XKR6: variants seen among roughly 807,000 people sequenced by gnomAD.
The protein encoded by XKR6 is XK related 6.
XKR6 carries 22 observed loss-of-function variants against 56.7 expected under a neutral mutation model. The observed-to-expected ratio is 0.39, with a 90% CI of 0.28 to 0.55. The LOEUF (loss-of-function observed/expected upper bound fraction) is 0.55, where lower values mean the gene tolerates loss of function less well. XKR6 is among the 20% of genes least tolerant of loss of function. The pLI, the probability that XKR6 is intolerant of heterozygous loss-of-function variation, is 0.66. For missense variants in XKR6, 852 were observed against 889.0 expected (o/e 0.96, Z 0.53); for synonymous variants, 524 against 387.8 (o/e 1.35, Z -4.13).
At chr8:11,163,420 C>T (rs1801918350) in intron 1 of XKR6, among the ~76,000 whole-genome samples, 1 of 152,124 alleles carries the variant, frequency 6.6e-6, no homozygotes, top group Admixed American at 6.5e-5. Context: ...TTATCATTTC[C>T]CAAGTCCTCA....
intron 1 of XKR6, among the ~76,000 whole-genome samples, chr8:10,942,779 G>C (rs1021593395): frequency 6.6e-6 from 1 of 152,170 alleles, no homozygotes. Context: ...CCCTGTTCAC[G>C]CTACAACCCC....
chr8:11,134,188 C>G (rs775493930), intron 1 of XKR6, among the ~76,000 whole-genome samples: 3 of 152,134 alleles, frequency 2.0e-5, no homozygotes, highest in Non-Finnish European at 4.4e-5. Context: ...CCCTTACCTT[C>G]TCCTCTATGT....
chr8:11,024,257 CTCCA>C (rs1554525997), intron 1 of XKR6, among the ~76,000 whole-genome samples: 1 of 122,384 alleles, frequency 8.2e-6, no homozygotes, highest in Non-Finnish European at 1.8e-5. Context: ...GTGTGTGATT[CTCCA>C]TCCAAGTGTT....
At chr8:11,179,525 G>T (rs11250119) in intron 1 of XKR6, among the ~76,000 whole-genome samples, 1 of 151,910 alleles carries the variant, frequency 6.6e-6, no homozygotes, top group Non-Finnish European at 1.5e-5. Flanking sequence ...CCACAAGTAC[G>T]TTTCTTTATA....
At chr8:11,087,805 C>G (rs1797938978) in intron 1 of XKR6, among the ~76,000 whole-genome samples, 1 of 152,192 alleles carries the variant, frequency 6.6e-6, no homozygotes, top group Non-Finnish European at 1.5e-5. Context: ...AAGGTCATCT[C>G]CACTGATAAG....
chr8:11,108,525 G>A (rs985783772), intron 1 of XKR6: 16 of 367,452 alleles, frequency 4.4e-5, no homozygotes, highest in Admixed American at 1.1e-4. Context: ...CCAGCAGGAG[G>A]CATTGCCTAG....
intron 1 of XKR6, among the ~76,000 whole-genome samples, chr8:11,183,739 T>A (rs1038365197): frequency 3.3e-5 from 5 of 152,214 alleles, no homozygotes; most frequent in Non-Finnish European, 7.3e-5. Context: ...TCCTAAGATC[T>A]GTGTTGATTA....
intron 1 of XKR6, among the ~76,000 whole-genome samples, chr8:10,928,956 A>G (rs1179217990): frequency 1.3e-5 from 2 of 152,194 alleles, no homozygotes; most frequent in South Asian, 2.1e-4. Flanking sequence ...CGGGGGTGAA[A>G]GCAGCAACGC....
At chr8:11,161,259 T>A (rs6992269) in intron 1 of XKR6, among the ~76,000 whole-genome samples, 13,748 of 152,020 alleles carry the variant, frequency 0.09, 744 homozygotes, top group African/African-American at 0.15. Context: ...CTGAATGGGG[T>A]CTAGAGTTAT....
intron 2 of XKR6, among the ~76,000 whole-genome samples, chr8:10,914,684 A>G (rs928620762): frequency 1.3e-5 from 2 of 152,178 alleles, no homozygotes; most frequent in African/African-American, 2.4e-5. Context: ...ATCCTAGCTC[A>G]GCTGACTTGT....
At chr8:11,172,187 T>C (rs1342213705) in intron 1 of XKR6, among the ~76,000 whole-genome samples, 2 of 151,792 alleles carry the variant, frequency 1.3e-5, no homozygotes, top group Admixed American at 6.6e-5. Flanking sequence ...CTGGGCAACA[T>C]GGCGAACACC....
At chr8:11,164,700 T>A (rs1046932350) in intron 1 of XKR6, among the ~76,000 whole-genome samples, 1 of 152,148 alleles carries the variant, frequency 6.6e-6, no homozygotes, top group African/African-American at 2.4e-5. Flanking sequence ...ATTCTTAGGA[T>A]CCCCCTTTTC....
chr8:10,985,242 G>A (rs1364516751), intron 1 of XKR6, among the ~76,000 whole-genome samples: 2 of 152,184 alleles, frequency 1.3e-5, no homozygotes, highest in East Asian at 3.9e-4. Flanking sequence ...TTGAATCATG[G>A]GGGCAGGTCT....
At chr8:11,021,658 T>C (rs1798752236) in intron 1 of XKR6, among the ~76,000 whole-genome samples, 1 of 152,112 alleles carries the variant, frequency 6.6e-6, no homozygotes, top group Non-Finnish European at 1.5e-5. Context: ...AGAGACTTTG[T>C]TGTCAAGCAC....
intron 1 of XKR6, among the ~76,000 whole-genome samples, chr8:11,040,253 G>C (rs1346782769): frequency 6.6e-6 from 1 of 151,280 alleles, no homozygotes; most frequent in Non-Finnish European, 1.5e-5. Context: ...AACTACCACA[G>C]CCTCACGCCT....
At chr8:11,012,889 C>T (rs921510574) in intron 1 of XKR6, among the ~76,000 whole-genome samples, 1 of 152,178 alleles carries the variant, frequency 6.6e-6, no homozygotes, top group African/African-American at 2.4e-5. Flanking sequence ...CACTTTTCGT[C>T]CAATGCCTTG....
intron 1 of XKR6, among the ~76,000 whole-genome samples, chr8:11,168,578 A>G (rs536424346): frequency 6.6e-6 from 1 of 152,344 alleles, no homozygotes; most frequent in East Asian, 1.9e-4. Flanking sequence ...TTTTTCAAAC[A>G]AAGCAGAACA....
chr8:11,142,673 C>G (rs1800767183), intron 1 of XKR6, among the ~76,000 whole-genome samples: 1 of 152,178 alleles, frequency 6.6e-6, no homozygotes, highest in African/African-American at 2.4e-5. Context: ...CTGGAAGATT[C>G]CTGAGGCCCT....
At chr8:10,991,750 G>A (rs1354306156) in intron 1 of XKR6, among the ~76,000 whole-genome samples, 5 of 152,090 alleles carry the variant, frequency 3.3e-5, no homozygotes, top group Non-Finnish European at 7.4e-5. Flanking sequence ...TTCCTTCAAT[G>A]TTTTTCTCCC....
Sources: gnomAD v4.1 joint callset for allele counts (sites outside exome capture counted in the v4.1 genomes callset) on GRCh38, gnomAD v4.1.1 for gene constraint, MANE v1.5 for transcripts, NCBI Gene and HGNC (gene_info 2026-07-23, HGNC 2026-07-21) for gene names.